Variants in BMAL2 observed in about 807,000 individuals in gnomAD.
BMAL2 encodes the protein basic helix-loop-helix ARNT like 2.
the BMAL2 span, among the ~76,000 whole-genome samples, chr12:27,392,484 C>T: frequency 3.0e-4 from 44 of 145,250 alleles, no homozygotes; most frequent in African/African-American, 1.1e-3. Flanking sequence ...AGGACATGGC[C>T]GTATGATGTG....
the BMAL2 span, among the ~76,000 whole-genome samples, chr12:27,417,888 G>A: frequency 6.6e-6 from 1 of 152,044 alleles, no homozygotes. Context: ...AGCTACTTGG[G>A]AGGCTGAGGC....
chr12:27,397,827 T>C, the BMAL2 span, among the ~76,000 whole-genome samples: 6 of 152,208 alleles, frequency 3.9e-5, no homozygotes, highest in Admixed American at 1.3e-4. Flanking sequence ...CTTCATAAGA[T>C]AATTGTGCAT....
chr12:27,400,665 A>C, the BMAL2 span: 5 of 1,613,944 alleles, frequency 3.1e-6, no homozygotes, highest in African/African-American at 6.7e-5. Context: ...GGCCATTGGA[A>C]GATTACAGCC....
the BMAL2 span, among the ~76,000 whole-genome samples, chr12:27,386,066 T>G: frequency 6.6e-6 from 1 of 152,180 alleles, no homozygotes. Context: ...AATGTCTTGG[T>G]CATGTGCTGT....
At chr12:27,376,961 A>G in the BMAL2 span, among the ~76,000 whole-genome samples, 1,103 of 138,562 alleles carry the variant, frequency 8.0e-3, 6 homozygotes, top group Middle Eastern at 0.017. Flanking sequence ...AAATCGCGCC[A>G]CTGCACTCCA....
At chr12:27,360,479 T>A in the BMAL2 span, among the ~76,000 whole-genome samples, 1 of 152,152 alleles carries the variant, frequency 6.6e-6, no homozygotes, top group African/African-American at 2.4e-5. Flanking sequence ...GGAATATTAT[T>A]GAAGGGTATA....
At chr12:27,353,400 TC>T in the BMAL2 span, among the ~76,000 whole-genome samples, 1 of 152,128 alleles carries the variant, frequency 6.6e-6, no homozygotes, top group Non-Finnish European at 1.5e-5. Context: ...GTGGACCACT[TC>T]TTTCACCATA....
chr12:27,352,670 A>G, the BMAL2 span, among the ~76,000 whole-genome samples: 2 of 152,246 alleles, frequency 1.3e-5, no homozygotes, highest in Non-Finnish European at 2.9e-5. Flanking sequence ...TTCACTGACA[A>G]TGTGATTCTC....
chr12:27,387,137 A>G, the BMAL2 span: 7 of 842,950 alleles, frequency 8.3e-6, no homozygotes, highest in Admixed American at 1.4e-4. Context: ...TGCCACAGTA[A>G]TTTCCTCAGA....
chr12:27,412,845 T>C, the BMAL2 span, among the ~76,000 whole-genome samples: 5 of 152,084 alleles, frequency 3.3e-5, no homozygotes, highest in African/African-American at 9.7e-5. Flanking sequence ...TATAATCAAA[T>C]TCTCAAAAGT....
chr12:27,351,086 T>C, the BMAL2 span, among the ~76,000 whole-genome samples: 1 of 149,594 alleles, frequency 6.7e-6, no homozygotes, highest in Non-Finnish European at 1.5e-5. Context: ...CCTCCTATGC[T>C]CAAGGGATCC....
At chr12:27,372,230 C>CAAA in the BMAL2 span, among the ~76,000 whole-genome samples, 18,187 of 124,408 alleles carry the variant, frequency 0.15, 1,760 homozygotes, top group South Asian at 0.2. Flanking sequence ...GACTCTATCT[C>CAAA]AAAAAAAAAA....
the BMAL2 span, among the ~76,000 whole-genome samples, chr12:27,411,788 T>C: frequency 0.034 from 5,135 of 152,250 alleles, 125 homozygotes; most frequent in East Asian, 0.12. Flanking sequence ...CTCTCAGTCT[T>C]TGGGTTGCCT....
At chr12:27,372,895 G>C in the BMAL2 span, among the ~76,000 whole-genome samples, 1 of 152,022 alleles carries the variant, frequency 6.6e-6, no homozygotes. Flanking sequence ...GGATGGTCTC[G>C]ATCTCCTGAC....
the BMAL2 span, among the ~76,000 whole-genome samples, chr12:27,370,763 A>G: frequency 1.3e-5 from 2 of 152,024 alleles, no homozygotes; most frequent in East Asian, 1.9e-4. Context: ...CCGCCGACAC[A>G]CCCGGCTAAT....
the BMAL2 span, among the ~76,000 whole-genome samples, chr12:27,362,704 C>CT: frequency 3.7e-4 from 56 of 151,246 alleles, 1 homozygote; most frequent in East Asian, 1.5e-3. Flanking sequence ...ATTAGTTTTA[C>CT]TTTTTTTTTA....
chr12:27,349,157 T>G, the BMAL2 span, among the ~76,000 whole-genome samples: 139,712 of 152,264 alleles, frequency 0.92, 64,134 homozygotes, highest in East Asian at 1. Flanking sequence ...CCTGGGTTAC[T>G]AGTGAGAGTA....
At chr12:27,360,244 A>G in the BMAL2 span, among the ~76,000 whole-genome samples, 1 of 152,120 alleles carries the variant, frequency 6.6e-6, no homozygotes, top group Non-Finnish European at 1.5e-5. Flanking sequence ...GTACCCTTCA[A>G]AAGTCTCAAG....
chr12:27,420,019 G>GACACACACA, the BMAL2 span, among the ~76,000 whole-genome samples: 1 of 147,478 alleles, frequency 6.8e-6, no homozygotes, highest in African/African-American at 2.5e-5. Context: ...GTTTGCGCGT[G>GACACACACA]CACACACACA....
Sources: gnomAD v4.1 joint callset for allele counts (sites outside exome capture counted in the v4.1 genomes callset) on GRCh38, gnomAD v4.1.1 for gene constraint, MANE v1.5 for transcripts, NCBI Gene and HGNC (gene_info 2026-07-23, HGNC 2026-07-21) for gene names.